The following TENM3 variants were observed in gnomAD, a reference collection of about 807,000 sequenced individuals.
TENM3 encodes teneurin transmembrane protein 3, also known as teneurin-3.
In TENM3, 63 loss-of-function variants were observed where a neutral mutation model predicts 255.1. That is an observed-to-expected ratio of 0.25 (90% CI 0.20 to 0.30). The LOEUF is 0.30. Among genes scored for constraint, TENM3 ranks in the 10% least tolerant of loss-of-function variants. TENM3 has a pLI of 1.00. For synonymous variants in TENM3, 1,306 were observed against 1,322.3 expected (o/e 0.99, Z 0.27); for missense variants, 2,929 against 3,461.1 (o/e 0.85, Z 3.86).
the TENM3 span, among the ~76,000 whole-genome samples, chr4:181,507,406 A>C: frequency 6.6e-6 from 1 of 152,332 alleles, no homozygotes. Context: ...ATGCATGTAA[A>C]TTCCCTGCCT....
At chr4:181,951,614 C>G in the TENM3 span, among the ~76,000 whole-genome samples, 1 of 152,192 alleles carries the variant, frequency 6.6e-6, no homozygotes. Context: ...CTACAGTACC[C>G]AGTGCCCCTC....
At chr4:181,723,440 C>G in the TENM3 span, among the ~76,000 whole-genome samples, 1 of 151,578 alleles carries the variant, frequency 6.6e-6, no homozygotes, top group Non-Finnish European at 1.5e-5. Flanking sequence ...GTAGCTTAAT[C>G]AGAAAGGAAC....
the TENM3 span, among the ~76,000 whole-genome samples, chr4:181,908,605 T>C: frequency 2.0e-5 from 3 of 152,164 alleles, no homozygotes; most frequent in Admixed American, 6.5e-5. Flanking sequence ...GAAGCATAAA[T>C]AGAGAAATTC....
At chr4:182,306,806 G>A (rs902178653) in intron 1 of TENM3, among the ~76,000 whole-genome samples, 1 of 152,196 alleles carries the variant, frequency 6.6e-6, no homozygotes, top group Non-Finnish European at 1.5e-5. Context: ...TACATTAGTT[G>A]AAATTGGCAT....
At chr4:181,554,301 A>G in the TENM3 span, among the ~76,000 whole-genome samples, 1 of 152,212 alleles carries the variant, frequency 6.6e-6, no homozygotes, top group African/African-American at 2.4e-5. Context: ...AGTCTCATGT[A>G]CAGCTAAAGA....
chr4:182,143,126 G>A (rs1749594208), upstream of TENM3: 1 of 167,326 alleles, frequency 6.0e-6, no homozygotes, highest in Non-Finnish European at 1.5e-5. This position sits in a 1 kb window ranked among gnomAD's most constrained non-coding sequence, Gnocchi z 4.3. Flanking sequence ...CAGGGACAGT[G>A]TCCGGCCGCT....
Position 182,754,341 on chromosome 4 carries a change from T to C in TENM3, c.4018-44T>C, listed in dbSNP as rs769724250. 2.0e-6 allele frequency: 3 copies of C among 1,509,288 alleles called. No individual in the cohort carries two copies. The highest frequency in any genetic ancestry group is 2.7e-6 in the Non-Finnish European group (3 of 1,123,606). The allele number at this position is 1,509,288 out of a possible 1,614,324, so 93.5% of individuals were successfully genotyped here. A position where few individuals can be genotyped will look rare whatever the true frequency, so the allele number is the denominator to read the frequency against. Reference sequence around the variant, plus strand: ...ATTTACTCTTCTGGCGAATTAACTGTAGTGCAGTAACTTACTAACCAGGCC... The same window carrying C: ...ATTTACTCTTCTGGCGAATTAACTGCAGTGCAGTAACTTACTAACCAGGCC... On this transcript the variant is annotated intron_variant, in intron 21 of 27. Coordinates refer to ENST00000511685, the MANE Select transcript of TENM3 (RefSeq NM_001080477.4). The surrounding 1 kb of genome is among the most constrained non-coding windows in gnomAD (Gnocchi z 5.1).
At chr4:181,510,052 C>T in the TENM3 span, among the ~76,000 whole-genome samples, 23 of 152,224 alleles carry the variant, frequency 1.5e-4, no homozygotes, top group Admixed American at 1.4e-3. Context: ...AGCTTAGCAC[C>T]GTCTCCTCCA....
the TENM3 span, among the ~76,000 whole-genome samples, chr4:181,930,825 G>A: frequency 1.6e-4 from 24 of 152,238 alleles, no homozygotes; most frequent in East Asian, 5.8e-4. Context: ...CCATGATCCC[G>A]TCAGCTTCAT....
chr4:182,037,338 G>A, the TENM3 span, among the ~76,000 whole-genome samples: 11 of 152,030 alleles, frequency 7.2e-5, no homozygotes, highest in East Asian at 9.7e-4. Flanking sequence ...TAGTAGAGAC[G>A]GGTTTCACCA....
chr4:181,707,725 A>G, the TENM3 span, among the ~76,000 whole-genome samples: 1 of 152,340 alleles, frequency 6.6e-6, no homozygotes, highest in East Asian at 1.9e-4. Context: ...TTCAATAATT[A>G]TAGATACTAT....
the TENM3 span, among the ~76,000 whole-genome samples, chr4:182,100,634 T>TACAC: frequency 2.7e-3 from 146 of 54,024 alleles, 17 homozygotes; most frequent in Non-Finnish European, 3.7e-3. Context: ...CACACATATA[T>TACAC]ACACATATAT....
intron 5 of TENM3, among the ~76,000 whole-genome samples, chr4:182,652,698 A>C (rs1581219639): frequency 6.6e-6 from 1 of 152,218 alleles, no homozygotes; most frequent in East Asian, 1.9e-4. Flanking sequence ...GCTTTTTGAC[A>C]GTGGTAGTCA....
At chr4:182,432,109 G>GA (rs1244371190) in intron 3 of TENM3, among the ~76,000 whole-genome samples, 2 of 150,224 alleles carry the variant, frequency 1.3e-5, no homozygotes, top group African/African-American at 4.9e-5. Context: ...GAAAAGAAAA[G>GA]AAAAAAAGTA....
At chr4:182,017,464 C>T in the TENM3 span, among the ~76,000 whole-genome samples, 1 of 152,160 alleles carries the variant, frequency 6.6e-6, no homozygotes, top group African/African-American at 2.4e-5. Flanking sequence ...TCATATTATA[C>T]TTGTATATAA....
At chr4:182,747,455 C>T (rs1762084678) in intron 19 of TENM3, among the ~76,000 whole-genome samples, 1 of 152,130 alleles carries the variant, frequency 6.6e-6, no homozygotes, top group African/African-American at 2.4e-5. Flanking sequence ...TTTTTACATA[C>T]ATAGAAGCTG....
At chr4:181,832,141 G>A in the TENM3 span, among the ~76,000 whole-genome samples, 7 of 151,996 alleles carry the variant, frequency 4.6e-5, no homozygotes, top group South Asian at 1.0e-3. Flanking sequence ...AATGTGTTTC[G>A]TGTCTGCCAT....
At chr4:182,212,728 A>G (rs919329264) in intron 1 of TENM3, among the ~76,000 whole-genome samples, 3 of 152,180 alleles carry the variant, frequency 2.0e-5, no homozygotes, top group Non-Finnish European at 4.4e-5. Context: ...GTGAAACAGA[A>G]AGGACAGAGT....
At chr4:181,887,524 G>T in the TENM3 span, among the ~76,000 whole-genome samples, 2 of 151,976 alleles carry the variant, frequency 1.3e-5, no homozygotes, top group African/African-American at 4.8e-5. Flanking sequence ...TCTCTATCCA[G>T]TCTTCACTGG....
Sources: allele counts gnomAD v4.1 joint callset (sites outside exome capture counted in the v4.1 genomes callset), GRCh38; gene constraint gnomAD v4.1.1; non-coding constraint Gnocchi (gnomAD v3.1); transcripts MANE v1.5; gene names NCBI Gene and HGNC (gene_info 2026-07-23, HGNC 2026-07-21).